Variants in TMEM114 observed in about 807,000 individuals in gnomAD.
TMEM114 encodes claudin-26.
A neutral mutation model predicts 6.2 loss-of-function variants in TMEM114; 6 were observed. The ratio of observed to expected loss-of-function variants is 0.97; its 90% confidence interval spans 0.53 to 1.91. The LOEUF is 1.91. TMEM114 is among the 40% of genes most tolerant of loss of function. TMEM114 has a pLI of 0.01. For missense variants in TMEM114, 218 were observed against 158.3 expected, an observed-to-expected ratio of 1.38 and a Z score of -2.02; for synonymous variants, 104 against 73.0, an observed-to-expected ratio of 1.42 and a Z score of -2.16.
At chr16:8,579,245 C>A (rs1290789217) in intron 2 of TMEM114, among the ~76,000 whole-genome samples, 1 of 152,134 alleles carries the variant, frequency 6.6e-6, no homozygotes, top group Non-Finnish European at 1.5e-5. Flanking sequence ...CCCGAGCGGT[C>A]AATGCTCTTA....
the TMEM114 span, among the ~76,000 whole-genome samples, chr16:8,530,760 A>G: frequency 2.6e-5 from 4 of 152,104 alleles, no homozygotes; most frequent in Non-Finnish European, 5.9e-5. Context: ...ATTGTGGCTC[A>G]TGCTCATAAC....
At chr16:8,540,972 G>T (rs151147573) in intron 2 of TMEM114, among the ~76,000 whole-genome samples, 1 of 152,122 alleles carries the variant, frequency 6.6e-6, no homozygotes, top group Non-Finnish European at 1.5e-5. Flanking sequence ...AAAGACATAC[G>T]CATGGAACTG....
rs545628919 is a variant in TMEM114 at position 8,563,660 on chromosome 16, A to C, written n.212+25553T>G. ...GAGTAAATGAGTGAGTGAATGAGTG[A>C]GCGAATAAGTAAGTGAATGAGTAAG... On this transcript the variant is annotated intron_variant and non_coding_transcript_variant, in intron 2 of 2. Transcript: ENST00000623677. 5.5e-4 allele frequency among the ~76,000 whole-genome samples: 83 copies of C among 151,496 alleles called. 4 individuals are homozygous for C. The highest frequency in any genetic ancestry group is 3.4e-3 in the Middle Eastern group (1 of 290).
downstream of TMEM114, among the ~76,000 whole-genome samples, chr16:8,568,892 A>G (rs1409841582): frequency 3.3e-5 from 5 of 152,240 alleles, no homozygotes; most frequent in Admixed American, 3.3e-4. Context: ...GAGCAGCAAG[A>G]TGACAACCCT....
At chr16:8,566,376 CA>C (rs71150401), downstream of TMEM114, among the ~76,000 whole-genome samples, 27 of 142,880 alleles carry the variant, frequency 1.9e-4, 1 homozygote, top group African/African-American at 5.4e-4. Context: ...GACGCAGTCT[CA>C]AAAAAAAAAA....
At chr16:8,532,198 T>C in the TMEM114 span, among the ~76,000 whole-genome samples, 1 of 152,178 alleles carries the variant, frequency 6.6e-6, no homozygotes, top group Non-Finnish European at 1.5e-5. Context: ...AAACAATGCG[T>C]AGGCTGCTCA....
intron 2 of TMEM114, among the ~76,000 whole-genome samples, chr16:8,574,775 C>A (rs761079439): frequency 6.6e-6 from 1 of 152,032 alleles, no homozygotes; most frequent in Non-Finnish European, 1.5e-5. Flanking sequence ...CCATGGCAGC[C>A]CCATGTGAGT....
intron 3 of TMEM114, among the ~76,000 whole-genome samples, chr16:8,571,838 C>T (rs765813906): frequency 6.6e-6 from 1 of 152,152 alleles, no homozygotes; most frequent in African/African-American, 2.4e-5. Flanking sequence ...GTAATACATG[C>T]GGCTTCTTTG....
chr16:8,545,229 C>T (rs991792912), intron 2 of TMEM114, among the ~76,000 whole-genome samples: 1 of 152,060 alleles, frequency 6.6e-6, no homozygotes, highest in South Asian at 2.1e-4. Flanking sequence ...CTTGCATCCA[C>T]GAGTCCAAGA....
intron 2 of TMEM114, among the ~76,000 whole-genome samples, chr16:8,585,293 C>T (rs1902284752): frequency 6.6e-6 from 1 of 152,204 alleles, no homozygotes; most frequent in Non-Finnish European, 1.5e-5. Context: ...GGTGGGGGCA[C>T]AGCCAAATCA....
the TMEM114 span, among the ~76,000 whole-genome samples, chr16:8,530,777 A>G: frequency 6.6e-6 from 1 of 152,098 alleles, no homozygotes; most frequent in Non-Finnish European, 1.5e-5. Flanking sequence ...TAACCCCAGC[A>G]CTTTGGGAGG....
chr16:8,581,585 C>T (rs1365719624), intron 2 of TMEM114, among the ~76,000 whole-genome samples: 1 of 152,170 alleles, frequency 6.6e-6, no homozygotes, highest in Non-Finnish European at 1.5e-5. Flanking sequence ...TCCCAAGTAG[C>T]TGGGACTACA....
chr16:8,542,669 G>A lies in TMEM114; in HGVS notation n.213-4843C>T, dbSNP rs370761863. On this transcript the variant is annotated intron_variant and non_coding_transcript_variant, in intron 2 of 2. Coordinates refer to the TMEM114 transcript ENST00000623677. The stretch of plus-strand genomic sequence containing the variant: ...GGGTAGGAGTGTGCTTTGTAAATAA[G>A]CAACCTAGGTGCACTATTCAGAAGC... 1.1e-4 allele frequency among the ~76,000 whole-genome samples: 16 copies of A among 152,240 alleles called. No individual in the cohort carries two copies. The East Asian group carries it at 2.9e-3, about 28-fold the overall frequency.
chr16:8,531,143 GACA>G, the TMEM114 span, among the ~76,000 whole-genome samples: 1 of 152,200 alleles, frequency 6.6e-6, no homozygotes, highest in Admixed American at 6.5e-5. Flanking sequence ...TGAAAATGTA[GACA>G]ACAACACTAC....
rs1371555721 is a variant in TMEM114, at chr16:8,589,626, G to T, written c.213C>A (p.Thr71=). Reference sequence around the variant, plus strand: ...CACGGGGTGCACCCTTACCCCGGCAGGTCCGCCAGAGGCCGGAGTGGGAGC... The same window carrying T: ...CACGGGGTGCACCCTTACCCCGGCATGTCCGCCAGAGGCCGGAGTGGGAGC... The part of the protein sequence containing the change: ...PLSSHSGLWR[T]CRVQSPCTPL... Residue 71 remains threonine (T), a synonymous_variant, in exon 1 of 4, where the codon ACC becomes ACA. Coordinates refer to ENST00000620492, the MANE Select transcript of TMEM114 (RefSeq NM_001146336.2). The T allele has an allele frequency of 1.0e-5, 4 of 398,438 alleles. No homozygotes were observed. The highest frequency in any genetic ancestry group is 2.1e-5 in the African/African-American group (1 of 48,634). The allele number at this position is 398,438 out of a possible 1,614,324, so 24.7% of individuals were successfully genotyped here. A position where few individuals can be genotyped will look rare whatever the true frequency, so the allele number is the denominator to read the frequency against.
At chr16:8,572,520 C>G (rs1901770978) in intron 2 of TMEM114, among the ~76,000 whole-genome samples, 1 of 152,206 alleles carries the variant, frequency 6.6e-6, no homozygotes, top group Non-Finnish European at 1.5e-5. Flanking sequence ...ACTGCAGCCT[C>G]AACCTCCTGG....
intron 3 of TMEM114, among the ~76,000 whole-genome samples, chr16:8,571,167 C>A (rs776099886): frequency 2.0e-5 from 3 of 151,346 alleles, no homozygotes; most frequent in African/African-American, 4.9e-5. Context: ...ATACAGACAG[C>A]CTTTAAGGCA....
At chr16:8,583,378 G>A (rs1020199959) in intron 2 of TMEM114, among the ~76,000 whole-genome samples, 4 of 152,182 alleles carry the variant, frequency 2.6e-5, no homozygotes, top group African/African-American at 9.7e-5. Context: ...AGAGTCCAGG[G>A]CTGGCTGCTT....
intron 2 of TMEM114, among the ~76,000 whole-genome samples, chr16:8,561,104 G>A (rs1901185253): frequency 6.6e-6 from 1 of 152,296 alleles, no homozygotes; most frequent in East Asian, 1.9e-4. Context: ...ATCTCGCACA[G>A]GGTCCCTCCT....
Sources: gnomAD v4.1 joint callset for allele counts (sites outside exome capture counted in the v4.1 genomes callset) on GRCh38, gnomAD v4.1.1 for gene constraint, MANE v1.5 for transcripts, NCBI Gene and HGNC (gene_info 2026-07-23, HGNC 2026-07-21) for gene names.